Variants in WASF3 observed in about 807,000 individuals in gnomAD.
The protein encoded by WASF3 is WASP family member 3.
Under a neutral mutation model 46.6 loss-of-function variants are expected in WASF3, and 11 were observed. That is an observed-to-expected ratio of 0.24 (90% confidence interval 0.15 to 0.39). The LOEUF is 0.39. WASF3 is among the 10% of genes least tolerant of loss of function. WASF3 has a pLI of 1.00. For missense variants in WASF3, 576 were observed against 669.8 expected (o/e 0.86, Z 1.55); for synonymous variants, 242 against 259.7 (o/e 0.93, Z 0.65).
the WASF3 span, among the ~76,000 whole-genome samples, chr13:26,539,532 C>A: frequency 6.6e-6 from 1 of 152,024 alleles, no homozygotes; most frequent in Non-Finnish European, 1.5e-5. Context: ...AAAAATATGT[C>A]CCTCAGATCT....
chr13:26,564,731 A>G (rs1258530881), intron 1 of WASF3, among the ~76,000 whole-genome samples: 1 of 152,190 alleles, frequency 6.6e-6, no homozygotes, highest in Non-Finnish European at 1.5e-5. Context: ...TAGATACTCA[A>G]CAAGTATTTT....
intron 1 of WASF3, among the ~76,000 whole-genome samples, chr13:26,602,682 GA>G (rs1880676084): frequency 6.6e-6 from 1 of 152,124 alleles, no homozygotes; most frequent in African/African-American, 2.4e-5. Context: ...GTTATTTGTT[GA>G]ATTGCACATG....
At position 26,679,157 on chromosome 13, in the gene WASF3, C is replaced by T. The variant is rs547405407; in HGVS notation, c.717-1897C>T. On this transcript the variant is annotated intron_variant, in intron 7 of 9. Coordinates refer to ENST00000335327, the MANE Select transcript of WASF3 (RefSeq NM_006646.6). The surrounding 1 kb of genome is among the most constrained non-coding windows in gnomAD (Gnocchi z 4.8). ...GTGATCACTGACCATCATGAGGCCT[C>T]GGGATCTCCACTCACCTCCACCTTG... Among the ~76,000 whole-genome samples the T allele has an allele frequency of 1.3e-5, 2 of 152,270 alleles. No homozygotes were observed. The highest frequency in any genetic ancestry group is 2.9e-5 in the Non-Finnish European group (2 of 68,020).
chr13:26,587,174 G>A (rs1246520246), intron 1 of WASF3, among the ~76,000 whole-genome samples: 3 of 135,570 alleles, frequency 2.2e-5, no homozygotes, highest in African/African-American at 5.4e-5. Context: ...CATTTTTTTT[G>A]CTTTTTTTTT....
At chr13:26,660,993 C>G (rs1252191040) in intron 3 of WASF3, among the ~76,000 whole-genome samples, 1 of 152,120 alleles carries the variant, frequency 6.6e-6, no homozygotes, top group Non-Finnish European at 1.5e-5. Context: ...CCGCCAGGCT[C>G]TTTTTAACAG....
intron 1 of WASF3, among the ~76,000 whole-genome samples, chr13:26,576,206 C>T (rs542077578): frequency 6.6e-6 from 1 of 152,144 alleles, no homozygotes; most frequent in African/African-American, 2.4e-5. Context: ...TTCCTCAATG[C>T]CCTTTGTAAA....
chr13:26,679,988 TC>T lies in WASF3; in HGVS notation c.717-1063del. The T allele has an allele frequency of 6.4e-7, 1 of 1,573,462 alleles. No homozygotes were observed. The highest frequency in any genetic ancestry group is 8.6e-7 in the Non-Finnish European group (1 of 1,166,892). On this transcript the variant is annotated intron_variant, in intron 7 of 9. Coordinates refer to ENST00000335327, the MANE Select transcript of WASF3 (RefSeq NM_006646.6). The surrounding 1 kb of genome is among the most constrained non-coding windows in gnomAD (Gnocchi z 4.8). ...AAAGATGGAAATGCAGCGTGCATCTTCCCTGCTCCCTCAGCACCCCCAATGT... is the reference window on the plus strand; with the variant it reads ...AAAGATGGAAATGCAGCGTGCATCTTCCTGCTCCCTCAGCACCCCCAATGT...
At chr13:26,594,514 G>A (rs996200326) in intron 1 of WASF3, among the ~76,000 whole-genome samples, 1 of 152,190 alleles carries the variant, frequency 6.6e-6, no homozygotes, top group Non-Finnish European at 1.5e-5. Context: ...GCTCCTGGCT[G>A]CAGCAGTGGC....
chr13:26,666,192 A>G (rs1041387455), intron 4 of WASF3, among the ~76,000 whole-genome samples: 1 of 152,214 alleles, frequency 6.6e-6, no homozygotes, highest in African/African-American at 2.4e-5. Flanking sequence ...TTTTCCAACA[A>G]TAAGTATTAG....
At chr13:26,675,646 A>G (rs1233794973) in intron 6 of WASF3, among the ~76,000 whole-genome samples, 1 of 70,854 alleles carries the variant, frequency 1.4e-5, no homozygotes, top group African/African-American at 7.0e-5. Flanking sequence ...CACAGATGCC[A>G]TGTCTGTGTG....
At chr13:26,603,049 C>T (rs529136233) in intron 1 of WASF3, among the ~76,000 whole-genome samples, 5 of 152,208 alleles carry the variant, frequency 3.3e-5, no homozygotes, top group East Asian at 3.9e-4. Context: ...AAGAGGAAGG[C>T]GATAAGGGCC....
At chr13:26,673,593 T>C (rs1425750630) in intron 6 of WASF3, among the ~76,000 whole-genome samples, 2 of 152,202 alleles carry the variant, frequency 1.3e-5, no homozygotes, top group Non-Finnish European at 2.9e-5. Flanking sequence ...AAGATATTCT[T>C]TATTTCCCAG....
At chr13:26,680,149 G>A (rs549292542) in intron 7 of WASF3, 15 of 1,596,778 alleles carry the variant, frequency 9.4e-6, no homozygotes, top group Admixed American at 5.0e-5. Flanking sequence ...TATGAGTGAC[G>A]CAAAGAAACT....
intron 2 of WASF3, among the ~76,000 whole-genome samples, chr13:26,622,426 C>T (rs531415355): frequency 8.6e-4 from 131 of 152,302 alleles, no homozygotes; most frequent in Non-Finnish European, 9.1e-4. Flanking sequence ...ACCCTTACTG[C>T]GGTGGAGAAT....
chr13:26,657,258 G>A (rs1038350483), intron 3 of WASF3, among the ~76,000 whole-genome samples: 2 of 152,204 alleles, frequency 1.3e-5, no homozygotes, highest in African/African-American at 2.4e-5. Context: ...GGGGTAGAGC[G>A]CAGGTTCTAA....
At chr13:26,558,637 G>T (rs554954482) in intron 1 of WASF3, among the ~76,000 whole-genome samples, 1 of 152,228 alleles carries the variant, frequency 6.6e-6, no homozygotes, top group African/African-American at 2.4e-5. Context: ...TGGTGGAGAC[G>T]AGAGTTCTTA....
At chr13:26,672,795 G>C (rs151277336) in intron 6 of WASF3, among the ~76,000 whole-genome samples, 230 of 152,302 alleles carry the variant, frequency 1.5e-3, no homozygotes, top group African/African-American at 5.2e-3. Context: ...GCATTGAGGT[G>C]TGTTGGCCCA....
At chr13:26,563,200 C>T (rs1246432392) in intron 1 of WASF3, among the ~76,000 whole-genome samples, 1 of 151,894 alleles carries the variant, frequency 6.6e-6, no homozygotes, top group Non-Finnish European at 1.5e-5. Flanking sequence ...GTGTCAGATC[C>T]TATCCGCCTA....
chr13:26,681,630 T>C (rs1211574543), intron 8 of WASF3, among the ~76,000 whole-genome samples: 1 of 152,122 alleles, frequency 6.6e-6, no homozygotes, highest in Admixed American at 6.5e-5. Flanking sequence ...TGTGAACCTG[T>C]CCCAAACCCT....
Sources: gnomAD v4.1 joint callset for allele counts (sites outside exome capture counted in the v4.1 genomes callset) on GRCh38, gnomAD v4.1.1 for gene constraint, Gnocchi (gnomAD v3.1) non-coding constraint, MANE v1.5 for transcripts, NCBI Gene and HGNC (gene_info 2026-07-23, HGNC 2026-07-21) for gene names.